LIMK2: variants seen among roughly 807,000 people sequenced by gnomAD.
LIMK2 encodes LIM domain kinase 2.
In LIMK2, 35 loss-of-function variants were observed where a neutral mutation model predicts 75.7. The observed-to-expected ratio is 0.46, with a 90% confidence interval of 0.35 to 0.61. The LOEUF is 0.61. LIMK2 is among the 20% of genes least tolerant of loss of function. The pLI is 0.00. For missense variants in LIMK2, 623 were observed against 831.0 expected (o/e 0.75, Z 3.08); for synonymous variants, 301 against 319.2 (o/e 0.94, Z 0.61).
chr22:31,251,357 G>T (rs1404961063), intron 2 of LIMK2, among the ~76,000 whole-genome samples: 1 of 152,142 alleles, frequency 6.6e-6, no homozygotes, highest in East Asian at 1.9e-4. Flanking sequence ...GCATAACTCT[G>T]CCCAGCTTCA....
chr22:31,259,628 G>C (rs936978801), intron 4 of LIMK2, among the ~76,000 whole-genome samples: 1 of 152,156 alleles, frequency 6.6e-6, no homozygotes. Flanking sequence ...GTAGAGTGAA[G>C]AGAACCCAGA....
At chr22:31,222,302 C>T (rs866090674) in intron 1 of LIMK2, among the ~76,000 whole-genome samples, 2 of 150,172 alleles carry the variant, frequency 1.3e-5, no homozygotes, top group African/African-American at 4.9e-5. Context: ...AATTCCCGAC[C>T]TCAGGTGATC....
intron 5 of LIMK2, among the ~76,000 whole-genome samples, chr22:31,261,159 T>G (rs541798821): frequency 6.6e-6 from 1 of 152,084 alleles, no homozygotes; most frequent in African/African-American, 2.4e-5. Flanking sequence ...CTGTTTTTCT[T>G]AATTAAAAGA....
At chr22:31,248,175 G>A (rs2048688417) in intron 2 of LIMK2, among the ~76,000 whole-genome samples, 2 of 151,912 alleles carry the variant, frequency 1.3e-5, no homozygotes, top group South Asian at 2.1e-4. Context: ...CAGGATGGAC[G>A]CTCAATTGGT....
At chr22:31,270,050 A>T (rs1223357645) in intron 11 of LIMK2, among the ~76,000 whole-genome samples, 1 of 152,054 alleles carries the variant, frequency 6.6e-6, no homozygotes, top group African/African-American at 2.4e-5. Context: ...ATGATTGTTG[A>T]GCAACTGGTT....
At chr22:31,256,590 T>A (rs191261553) in intron 2 of LIMK2, among the ~76,000 whole-genome samples, 274 of 152,280 alleles carry the variant, frequency 1.8e-3, no homozygotes, top group African/African-American at 5.9e-3. Flanking sequence ...TCCACCCGCC[T>A]CGGCCTCCCA....
intron 10 of LIMK2, 32 bp from the exon 11 acceptor site, chr22:31,268,112 A>G (rs748477181): frequency 5.8e-5 from 94 of 1,610,948 alleles, no homozygotes; most frequent in Non-Finnish European, 7.6e-5. Flanking sequence ...ACAGGGCTCA[A>G]CAGCCTCTGA....
intron 2 of LIMK2, chr22:31,248,798 A>G (rs1380652712): frequency 7.4e-6 from 12 of 1,612,032 alleles, no homozygotes; most frequent in East Asian, 2.2e-5. Flanking sequence ...TCCCCTCTCC[A>G]TCTCTCCTGG....
intron 2 of LIMK2, among the ~76,000 whole-genome samples, chr22:31,226,599 A>ATATTATTAT (rs775194123): frequency 0.025 from 3,508 of 139,666 alleles, no homozygotes; most frequent in East Asian, 0.17. Context: ...TATTATAGCT[A>ATATTATTAT]CATTATTATT....
rs111631712 is a variant in LIMK2, at chr22:31,225,365, T to C, written c.17-355T>C. Among the ~76,000 whole-genome samples the C allele has an allele frequency of 8.9e-3, 1,360 of 152,312 alleles. 11 individuals carry two copies. Among genetic ancestry groups the C allele is most frequent in the African/African-American group, 0.03 (1,233 of 41,556 alleles). ...GAATAGTCATAGGAAGGGCTGACAC[T>C]GAAAAGAAGGAGATTGTGTTCGTTT... On this transcript the variant is annotated intron_variant, in intron 1 of 15. Transcript: ENST00000331728.
intron 15 of LIMK2, chr22:31,276,790 GC>G (rs540206607): frequency 2.8e-5 from 44 of 1,596,896 alleles, no homozygotes; most frequent in African/African-American, 6.7e-5. Context: ...TACTTTCAGA[GC>G]CCCCCCCGGG....
intron 1 of LIMK2, among the ~76,000 whole-genome samples, chr22:31,215,513 A>G (rs2048382447): frequency 6.6e-6 from 1 of 152,202 alleles, no homozygotes; most frequent in South Asian, 2.1e-4. Flanking sequence ...GGGAAAAAAA[A>G]CGGAGTTGTC....
At chr22:31,214,859 G>A (rs775369105) in intron 1 of LIMK2, among the ~76,000 whole-genome samples, 1 of 152,100 alleles carries the variant, frequency 6.6e-6, no homozygotes, top group African/African-American at 2.4e-5. Context: ...ACAGTGGCGC[G>A]ATCCAGACTC....
At position 31,266,038 on chromosome 22, in the gene LIMK2, G is replaced by A. The variant is rs374529513; in HGVS notation, c.947G>A (p.Arg316His). ...GACATCAGCCGCTCAGAATCCCTTC[G>A]TTGTTCCAGCAGCTATTCACAGCAG... is the stretch of plus-strand genomic sequence containing the variant. ...SRDISRSESL[R>H]CSSSYSQQIF... The change falls in exon 8 of 16, where the codon CGT (arginine) becomes CAT (histidine). Residue 316 changes from arginine (R) to histidine (H), a missense_variant. This residue lies in a region of LIMK2 where 514 missense variants were observed against 661.3 expected (regional missense o/e 0.78). Coordinates refer to ENST00000331728, the MANE Select transcript of LIMK2 (RefSeq NM_005569.4). 1.9e-5 allele frequency: 30 copies of A among 1,614,030 alleles called. No homozygotes were observed. Among genetic ancestry groups the A allele is most frequent in the African/African-American group, 8.0e-5 (6 of 74,902 alleles).
intron 2 of LIMK2, among the ~76,000 whole-genome samples, chr22:31,253,204 T>A (rs2048743130): frequency 6.6e-6 from 1 of 152,260 alleles, no homozygotes; most frequent in African/African-American, 2.4e-5. Context: ...GACAGTGGGA[T>A]GACTGGTTCA....
chr22:31,247,038 G>A (rs1006991960), intron 2 of LIMK2, among the ~76,000 whole-genome samples: 2 of 152,168 alleles, frequency 1.3e-5, no homozygotes, highest in African/African-American at 4.8e-5. Context: ...TCCAGTTGGT[G>A]GAATGGGAAA....
intron 2 of LIMK2, among the ~76,000 whole-genome samples, chr22:31,244,337 T>C (rs2048647895): frequency 6.6e-6 from 1 of 152,256 alleles, no homozygotes; most frequent in African/African-American, 2.4e-5. Flanking sequence ...GATAATTTGC[T>C]AGTCCCAGAC....
chr22:31,267,899 C>T lies in LIMK2; in HGVS notation c.1252C>T (p.Arg418Cys), dbSNP rs35422808. Residue 418 changes from arginine to cysteine, a missense_variant, in exon 10 of 16, where the codon CGC becomes TGC. Arg to Cys is a radical substitution (Grantham distance 180). Transcript: ENST00000331728. Reference sequence around the variant, plus strand: ...GGGGGGCACACTGAAGGACTTTCTGCGCAGTATGGTGAGCACACCACCCCA... The same window carrying T: ...GGGGGGCACACTGAAGGACTTTCTGTGCAGTATGGTGAGCACACCACCCCA... ...IEGGTLKDFL[R>C]SMDPFPWQQK... The T allele has an allele frequency of 2.3e-4, 360 of 1,599,314 alleles. No homozygotes were observed. The highest frequency in any genetic ancestry group is 1.5e-3 in the Middle Eastern group (9 of 5,944).
intron 2 of LIMK2, among the ~76,000 whole-genome samples, chr22:31,237,521 G>A (rs1053309165): frequency 1.3e-5 from 2 of 150,400 alleles, no homozygotes; most frequent in South Asian, 2.1e-4. Flanking sequence ...CTGAGATCGC[G>A]CCACTGCCCT....
Sources: gnomAD v4.1 joint callset for allele counts (sites outside exome capture counted in the v4.1 genomes callset) on GRCh38, gnomAD v4.1.1 for gene constraint, gnomAD v4.1.1 regional missense constraint, MANE v1.5 for transcripts, NCBI Gene and HGNC (gene_info 2026-07-23, HGNC 2026-07-21) for gene names.